PLEKHA8: variants seen among roughly 807,000 people sequenced by gnomAD.
PLEKHA8 encodes pleckstrin homology domain containing A8.
In PLEKHA8, 36 loss-of-function variants were observed where a neutral mutation model predicts 68.2. The observed-to-expected ratio is 0.53, with a 90% CI of 0.40 to 0.70. The LOEUF (loss-of-function observed/expected upper bound fraction) is 0.70, where lower values mean the gene tolerates loss of function less well. Ranked by LOEUF, PLEKHA8 falls within the 30% of genes least tolerant of loss-of-function variation. The pLI is 0.00. For synonymous variants in PLEKHA8, 211 were observed against 216.1 expected, an observed-to-expected ratio of 0.98 and a Z score of 0.20; for missense variants, 505 against 615.4, an observed-to-expected ratio of 0.82 and a Z score of 1.90.
downstream of PLEKHA8, among the ~76,000 whole-genome samples, chr7:30,085,811 A>G (rs1021778084): frequency 1.3e-5 from 2 of 152,156 alleles, no homozygotes; most frequent in South Asian, 2.1e-4. Context: ...TGGGGTGGCT[A>G]TGTTGTGCCA....
downstream of PLEKHA8, among the ~76,000 whole-genome samples, chr7:30,084,889 G>A (rs1380836675): frequency 6.6e-6 from 1 of 151,944 alleles, no homozygotes; most frequent in Non-Finnish European, 1.5e-5. Context: ...CAGCTAGGAG[G>A]AATAGAGCCA....
intron 12 of PLEKHA8, among the ~76,000 whole-genome samples, chr7:30,072,952 A>G (rs1440708270): frequency 6.6e-6 from 1 of 152,040 alleles, no homozygotes; most frequent in Non-Finnish European, 1.5e-5. Flanking sequence ...GTGCCTCCTG[A>G]GAATGCATTT....
chr7:30,119,983 G>A (rs1796668469), intron 13 of PLEKHA8, among the ~76,000 whole-genome samples: 1 of 152,038 alleles, frequency 6.6e-6, no homozygotes, highest in Non-Finnish European at 1.5e-5. Flanking sequence ...AACACCTACT[G>A]TATTCTCAGC....
At position 30,078,640 on chromosome 7, in the gene PLEKHA8, C is replaced by A. The variant is rs772142070; in HGVS notation, c.1413C>A (p.Thr471=). 1.2e-6 allele frequency: 2 copies of A among 1,613,804 alleles called. No homozygotes were observed. The highest frequency in any genetic ancestry group is 1.7e-6 in the Non-Finnish European group (2 of 1,179,830). ...ATGAAGATTTTGTGGCCGCGTTAACCGTAAAGGAAGGTGACCACCAGAAAG... is the reference window on the plus strand; with the variant it reads ...ATGAAGATTTTGTGGCCGCGTTAACAGTAAAGGAAGGTGACCACCAGAAAG... The part of the protein sequence containing the change: ...PSYEDFVAAL[T]VKEGDHQKEA... The change falls in exon 14 of 14, where the codon ACC becomes ACA. Residue 471 remains threonine, a synonymous_variant. Transcript: ENST00000449726.
chr7:30,078,541 G>A, intron 13 of PLEKHA8, 49 bp from the exon 14 acceptor site: 1 of 1,588,946 alleles, frequency 6.3e-7, no homozygotes, highest in Non-Finnish European at 8.6e-7. Flanking sequence ...AAAAATAAGA[G>A]TGTGAGAGAC....
intron 13 of PLEKHA8, among the ~76,000 whole-genome samples, chr7:30,076,207 C>T (rs1316498305): frequency 6.6e-6 from 1 of 151,846 alleles, no homozygotes. Flanking sequence ...CTATCATTAT[C>T]ATTTTTAAAT....
intron 13 of PLEKHA8, among the ~76,000 whole-genome samples, chr7:30,120,799 A>C (rs996866960): frequency 1.3e-5 from 2 of 152,252 alleles, no homozygotes; most frequent in Non-Finnish European, 2.9e-5. Flanking sequence ...AAGGGACTTC[A>C]AACACCGTAA....
intron 12 of PLEKHA8, among the ~76,000 whole-genome samples, chr7:30,066,820 G>A (rs1304264164): frequency 6.6e-6 from 1 of 152,032 alleles, no homozygotes; most frequent in African/African-American, 2.4e-5. Context: ...TCCTTTTCTG[G>A]CACAGAATAG....
At chr7:30,092,979 T>G (rs770732965), downstream of PLEKHA8, among the ~76,000 whole-genome samples, 1 of 152,264 alleles carries the variant, frequency 6.6e-6, no homozygotes, top group Non-Finnish European at 1.5e-5. Context: ...ATTAGGATTC[T>G]ATCACTTGAA....
Position 30,081,789 on chromosome 7 carries a change from C to A in PLEKHA8, c.*3002C>A. 1.0e-6 allele frequency: 1 copy of A among 985,358 alleles called. No homozygotes were observed. Among genetic ancestry groups the A allele is most frequent in the Non-Finnish European group, 1.2e-6 (1 of 829,854 alleles). 61.0% of individuals were successfully genotyped at this position (985,358 alleles called of 1,614,324 possible). ...AACATTAGGCTAACCCCTTATGAGA[C>A]ATTTCCACACAATTTCATCGTGCCT... On this transcript the variant is annotated 3_prime_UTR_variant, in exon 14 of 14. Coordinates refer to ENST00000449726, the MANE Select transcript of PLEKHA8 (RefSeq NM_001197026.2).
intron 8 of PLEKHA8, 48 bp from the exon 9 acceptor site, chr7:30,055,209 G>T: frequency 6.5e-7 from 1 of 1,527,880 alleles, no homozygotes; most frequent in Non-Finnish European, 9.1e-7. Context: ...GCAGAGTGCT[G>T]ATACTGTATT....
At chr7:30,090,299 G>T in exon 13 of PLEKHA8, 2 of 1,165,510 alleles carry the variant, frequency 1.7e-6, no homozygotes, top group South Asian at 3.1e-5. Context: ...ATTCTGTGAC[G>T]GGAAACAATG....
rs112464586 is a variant in PLEKHA8 at position 30,073,309 on chromosome 7, A to G, written c.1301-762A>G. 3.9e-4 allele frequency among the ~76,000 whole-genome samples: 60 copies of G among 152,250 alleles called. 1 individual carries two copies. The highest frequency in any genetic ancestry group is 8.3e-4 in the South Asian group (4 of 4,824). ...ACAAACATTTGGCATCCCAGAATAG[A>G]ATGTTAAAATTGGAAAAAATCTTAG... is the stretch of plus-strand genomic sequence containing the variant. On this transcript the variant is annotated intron_variant, in intron 12 of 13. Transcript: ENST00000449726.
intron 13 of PLEKHA8, among the ~76,000 whole-genome samples, chr7:30,114,100 T>C (rs1209381424): frequency 6.6e-6 from 1 of 152,162 alleles, no homozygotes; most frequent in Non-Finnish European, 1.5e-5. Context: ...GGTTTTGCCA[T>C]GTTGGCCAGG....
At position 30,074,124 on chromosome 7, in the gene PLEKHA8, GT is replaced by G; in HGVS notation, c.1359del (p.Phe453LeufsTer3). The G allele has an allele frequency of 6.2e-7, 1 of 1,612,632 alleles. No individual in the cohort carries two copies. The highest frequency in any genetic ancestry group is 8.5e-7 in the Non-Finnish European group (1 of 1,178,938). On this transcript the variant is annotated frameshift_variant, in exon 13 of 14. Coordinates refer to ENST00000449726, the MANE Select transcript of PLEKHA8 (RefSeq NM_001197026.2). LOFTEE classifies it high-confidence loss of function. ...RQHHGWVVRG[V>X]FALALRAAPS... ...ACACCATGGCTGGGTAGTTCGAGGG[GT>G]TTTTGCGGTAAGTGATCCTTCTTGT...
Position 30,045,096 on chromosome 7 carries a change from C to G in PLEKHA8, c.52C>G (p.Arg18Gly). 2 of 1,602,972 alleles carry G rather than the reference C, an allele frequency of 1.2e-6. No individual in the cohort carries two copies. The highest frequency in any genetic ancestry group is 8.5e-7 in the Non-Finnish European group (1 of 1,176,106). Residue 18 changes from arginine to glycine, a missense_variant, in exon 2 of 14, where the codon CGA becomes GGA. Transcript: ENST00000449726. ...WTNYLSGWQP[R>G]WFLLCGGILS... ...GCTTTTGTTTTCAGGTTGGCAGCCT[C>G]GATGGTTCCTTCTCTGTGGGGGAAT... is the stretch of plus-strand genomic sequence containing the variant.
chr7:30,099,016 A>G (rs149686640), intron 13 of PLEKHA8, among the ~76,000 whole-genome samples: 56 of 152,328 alleles, frequency 3.7e-4, no homozygotes, highest in African/African-American at 1.3e-3. Context: ...TCAGCCTCCC[A>G]AAGTTCTGGG....
At chr7:30,040,745 CTT>C (rs200724595) in intron 1 of PLEKHA8, among the ~76,000 whole-genome samples, 2 of 149,418 alleles carry the variant, frequency 1.3e-5, no homozygotes, top group African/African-American at 4.9e-5. Flanking sequence ...TTTAAATACT[CTT>C]TTTTTTTTAC....
intron 2 of PLEKHA8, 51 bp from the exon 3 acceptor site, chr7:30,046,159 A>T (rs1490211903): frequency 6.8e-7 from 1 of 1,475,814 alleles, no homozygotes; most frequent in Non-Finnish European, 9.0e-7. Flanking sequence ...GTTGGAGGCT[A>T]CCCAGACAGG....
Sources: gnomAD v4.1 joint callset for allele counts (sites outside exome capture counted in the v4.1 genomes callset) on GRCh38, gnomAD v4.1.1 for gene constraint, MANE v1.5 for transcripts, NCBI Gene and HGNC (gene_info 2026-07-23, HGNC 2026-07-21) for gene names.